The following TDRD3 variants were observed in gnomAD, a reference collection of about 807,000 sequenced individuals.
The protein encoded by TDRD3 is tudor domain-containing protein 3.
TDRD3 carries 45 observed loss-of-function variants against 86.7 expected under a neutral mutation model. The ratio of observed to expected loss-of-function variants is 0.52; its 90% CI spans 0.41 to 0.67. TDRD3 has a LOEUF of 0.67. Ranked by LOEUF, TDRD3 falls within the 30% of genes least tolerant of loss-of-function variation. The pLI, the probability that TDRD3 is intolerant of heterozygous loss-of-function variation, is 0.00. For missense variants in TDRD3, 814 were observed against 889.0 expected (o/e 0.92, Z 1.07); for synonymous variants, 298 against 301.7 (o/e 0.99, Z 0.13).
intron 13 of TDRD3, 116 bp from the exon 14 acceptor site, chr13:60,573,500 A>T: frequency 1.7e-6 from 1 of 582,588 alleles, no homozygotes; most frequent in African/African-American, 2.0e-5. Context: ...GTTAAGATCT[A>T]TTTATACAAA....
At chr13:60,413,107 A>C (rs563474093) in intron 1 of TDRD3, among the ~76,000 whole-genome samples, 80 of 151,906 alleles carry the variant, frequency 5.3e-4, no homozygotes, top group Admixed American at 4.8e-3. Flanking sequence ...GGAAGTTAGC[A>C]TGTGAAAATG....
At chr13:60,480,304 G>C (rs1359692389) in intron 5 of TDRD3, among the ~76,000 whole-genome samples, 1 of 152,118 alleles carries the variant, frequency 6.6e-6, no homozygotes, top group African/African-American at 2.4e-5. Flanking sequence ...TTTCTTTAAG[G>C]ATATTGAAAA....
chr13:60,527,987 G>C (rs1342003017), intron 10 of TDRD3, among the ~76,000 whole-genome samples: 1 of 152,190 alleles, frequency 6.6e-6, no homozygotes, highest in African/African-American at 2.4e-5. Context: ...AGAAAGAGTT[G>C]ATCAGGGTTG....
At chr13:60,498,617 T>C (rs2137586486) in intron 8 of TDRD3, among the ~76,000 whole-genome samples, 1 of 152,218 alleles carries the variant, frequency 6.6e-6, no homozygotes. Flanking sequence ...GGCCCCTCAA[T>C]CAATTTTCAG....
In TDRD3 at chr13:60,467,257, A is replaced by G. The variant is rs760144503; in HGVS notation, c.373A>G (p.Thr125Ala). 17 of 1,613,666 alleles carry G rather than the reference A, an allele frequency of 1.1e-5. No individual in the cohort carries two copies. Among genetic ancestry groups the G allele is most frequent in the Non-Finnish European group, 1.4e-5 (16 of 1,179,824 alleles). ...CTTTAGCCTGAACACACCACCTGGA[A>G]CTAAAGTTAAGCTCTCAGGCATTGT... ...SKISLNTPPG[T>A]KVKLSGIVDI... The change falls in exon 5 of 14, where the codon ACT becomes GCT. Residue 125 changes from threonine (T) to alanine (A), a missense_variant. Physicochemically the swap from Thr to Ala is moderately conservative, Grantham distance 58. Transcript: ENST00000377881.
intron 5 of TDRD3, among the ~76,000 whole-genome samples, chr13:60,482,768 T>G (rs1385607443): frequency 6.6e-6 from 1 of 152,086 alleles, no homozygotes; most frequent in Non-Finnish European, 1.5e-5. Context: ...CTTAATTATC[T>G]TTATAAAATA....
chr13:60,474,528 G>A (rs1405753102), intron 5 of TDRD3, among the ~76,000 whole-genome samples: 1 of 152,184 alleles, frequency 6.6e-6, no homozygotes, highest in African/African-American at 2.4e-5. Flanking sequence ...AGTGGTTGCT[G>A]TAAGGTTTAA....
chr13:60,437,569 A>G (rs1955151565), intron 1 of TDRD3, among the ~76,000 whole-genome samples: 1 of 151,574 alleles, frequency 6.6e-6, no homozygotes, highest in South Asian at 2.1e-4. Flanking sequence ...AAAGTTGAAG[A>G]GGTGAATTTT....
chr13:60,449,797 T>TTTAAAAGTTTAAA (rs1304920894), intron 3 of TDRD3, among the ~76,000 whole-genome samples: 1 of 152,114 alleles, frequency 6.6e-6, no homozygotes, highest in African/African-American at 2.4e-5. Context: ...TTTTATTATT[T>TTTAAAAGTTTAAA]ACTTTCCACT....
chr13:60,565,210 C>G (rs1284490420), intron 12 of TDRD3, among the ~76,000 whole-genome samples: 1 of 151,936 alleles, frequency 6.6e-6, no homozygotes, highest in Non-Finnish European at 1.5e-5. Context: ...CGCCCGCCAC[C>G]GCGCCCGGCT....
intron 12 of TDRD3, among the ~76,000 whole-genome samples, chr13:60,556,576 T>C (rs1320778041): frequency 1.3e-5 from 2 of 152,174 alleles, no homozygotes; most frequent in African/African-American, 4.8e-5. Flanking sequence ...ACAATATGAG[T>C]GACCAGTAAT....
At chr13:60,454,315 A>G (rs986469331) in intron 3 of TDRD3, among the ~76,000 whole-genome samples, 42 of 152,114 alleles carry the variant, frequency 2.8e-4, no homozygotes, top group African/African-American at 9.2e-4. Flanking sequence ...TAAATTTTCT[A>G]GTTTAGGCTT....
Position 60,567,499 on chromosome 13 carries a change from G to A in TDRD3, c.2119-26G>A, listed in dbSNP as rs1958487457. ...AGAAACTTGGAGCCATTTTGAACAT[G>A]TAAAATCACTACTCTTTGCAAATAG... On this transcript the variant is annotated intron_variant, in intron 12 of 13. Transcript: ENST00000377881. 3 of 1,613,936 alleles carry A rather than the reference G, an allele frequency of 1.9e-6. No individual in the cohort carries two copies. In the East Asian group the frequency reaches 6.7e-5, roughly 36 times the overall value.
intron 5 of TDRD3, among the ~76,000 whole-genome samples, chr13:60,467,591 G>A (rs1421633949): frequency 6.6e-6 from 1 of 152,042 alleles, no homozygotes; most frequent in Non-Finnish European, 1.5e-5. Context: ...TATTACTTAT[G>A]TTTAAACATT....
At chr13:60,489,875 G>C (rs982625756) in intron 7 of TDRD3, among the ~76,000 whole-genome samples, 2 of 151,978 alleles carry the variant, frequency 1.3e-5, no homozygotes, top group Admixed American at 1.3e-4. Context: ...ATTATAGAAA[G>C]ATGTTCTTTT....
rs764295799 is a variant in TDRD3 at position 60,528,864 on chromosome 13, T to C, written c.1639T>C (p.Tyr547His). The part of the protein sequence containing the change: ...ESQTSIPDYF[Y>H]DRKSQTINNE... Reference sequence around the variant, plus strand: ...CCAAACATCTATTCCTGATTATTTTTATGACAGGAAATCACAAACAATAAA... The same window carrying C: ...CCAAACATCTATTCCTGATTATTTTCATGACAGGAAATCACAAACAATAAA... Residue 547 changes from tyrosine to histidine, a missense_variant, in exon 11 of 14, where the codon TAT becomes CAT. By Grantham distance (83) the Tyr-to-His change is moderately conservative (BLOSUM62 2). Transcript: ENST00000377881. 38 of 1,612,694 alleles carry C rather than the reference T, an allele frequency of 2.4e-5. No homozygotes were observed. Among genetic ancestry groups the C allele is most frequent in the Non-Finnish European group, 2.8e-5 (33 of 1,179,684 alleles).
At chr13:60,497,520 G>A (rs1016419902) in intron 8 of TDRD3, among the ~76,000 whole-genome samples, 1 of 152,156 alleles carries the variant, frequency 6.6e-6, no homozygotes, top group Non-Finnish European at 1.5e-5. Context: ...ATTCTTAGTC[G>A]GCCTAGGAAA....
At chr13:60,468,139 A>G (rs1305367397) in intron 5 of TDRD3, among the ~76,000 whole-genome samples, 2 of 152,104 alleles carry the variant, frequency 1.3e-5, no homozygotes, top group Admixed American at 6.6e-5. Context: ...CCTTAATTTG[A>G]GATTGAATGC....
chr13:60,397,627 C>T (rs1349653914), intron 1 of TDRD3, among the ~76,000 whole-genome samples: 1 of 92,584 alleles, frequency 1.1e-5, no homozygotes, highest in Non-Finnish European at 2.9e-5. Context: ...GCCTGGGCCC[C>T]GGGCGGCGGG....
Sources: allele counts gnomAD v4.1 joint callset (sites outside exome capture counted in the v4.1 genomes callset), GRCh38; gene constraint gnomAD v4.1.1; transcripts MANE v1.5; gene names NCBI Gene and HGNC (gene_info 2026-07-23, HGNC 2026-07-21).